The following COL4A3 variants were observed in gnomAD, a reference collection of about 807,000 sequenced individuals.
COL4A3 encodes collagen type IV alpha 3 chain, also known as collagen alpha-3(IV) chain.
In COL4A3, 135 loss-of-function variants were observed where a neutral mutation model predicts 217.4. The ratio of observed to expected loss-of-function variants is 0.62; its 90% confidence interval spans 0.54 to 0.72. The LOEUF is 0.72. Ranked by LOEUF, COL4A3 falls within the 30% of genes least tolerant of loss-of-function variation. COL4A3 has a pLI of 0.00. For missense variants in COL4A3, 1,868 were observed against 2,119.9 expected (o/e 0.88, Z 2.33); for synonymous variants, 690 against 736.3 (o/e 0.94, Z 1.02).
intron 14 of COL4A3, 91 bp downstream of exon 14, chr2:227,254,265 T>C (rs909454864): frequency 1.6e-6 from 2 of 1,221,110 alleles, no homozygotes; most frequent in Non-Finnish European, 2.4e-6. Context: ...AGTTGTTTTT[T>C]TTTTTAAAGA....
chr2:227,264,859 T>G (rs2070795058), intron 21 of COL4A3: 1 of 152,272 alleles, frequency 6.6e-6, no homozygotes. Flanking sequence ...TCATGCTCCC[T>G]CTGTGCCTGC....
At chr2:227,214,231 T>C (rs915990399) in intron 1 of COL4A3, among the ~76,000 whole-genome samples, 2 of 152,202 alleles carry the variant, frequency 1.3e-5, no homozygotes, top group African/African-American at 4.8e-5. Context: ...AGTCTAAATA[T>C]GCATTCTGAG....
At chr2:227,224,421 A>G (rs913595286) in intron 1 of COL4A3, among the ~76,000 whole-genome samples, 1 of 152,188 alleles carries the variant, frequency 6.6e-6, no homozygotes, top group Non-Finnish European at 1.5e-5. Flanking sequence ...GTAGTTTTCC[A>G]AACTGAAAAA....
intron 47 of COL4A3, chr2:227,305,786 A>G (rs2073476823): frequency 6.6e-6 from 1 of 152,168 alleles, no homozygotes; most frequent in Non-Finnish European, 1.5e-5. Context: ...TGATACCTGG[A>G]TCAACATCTA....
At chr2:227,236,909 C>T (rs1559853693) in intron 1 of COL4A3, among the ~76,000 whole-genome samples, 1 of 152,168 alleles carries the variant, frequency 6.6e-6, no homozygotes. Flanking sequence ...GACCTGCCTG[C>T]CTCGGCCTCC....
At chr2:227,304,438 G>C in intron 46 of COL4A3, 1 of 360,048 alleles carries the variant, frequency 2.8e-6, no homozygotes, top group Non-Finnish European at 5.2e-6. Flanking sequence ...TCTGACAACT[G>C]TCAGTCTCGG....
chr2:227,193,484 T>A (rs11676721), intron 1 of COL4A3, among the ~76,000 whole-genome samples: 3 of 152,032 alleles, frequency 2.0e-5, no homozygotes, highest in Non-Finnish European at 4.4e-5. Flanking sequence ...GAGGCCGAGG[T>A]GGGCGGATCA....
At chr2:227,193,557 C>CA (rs1267423129) in intron 1 of COL4A3, among the ~76,000 whole-genome samples, 1 of 151,932 alleles carries the variant, frequency 6.6e-6, no homozygotes, top group Non-Finnish European at 1.5e-5. Flanking sequence ...ACTAAAAATA[C>CA]AAAAATTAGC....
At chr2:227,285,277 TAA>T (rs764697409) in intron 34 of COL4A3, among the ~76,000 whole-genome samples, 13 of 72,374 alleles carry the variant, frequency 1.8e-4, no homozygotes, top group African/African-American at 6.8e-4. Context: ...CTGCCAAACC[TAA>T]AAAAAAAAAA....
chr2:227,268,130 T>G (rs2071026462), intron 23 of COL4A3, among the ~76,000 whole-genome samples: 1 of 152,318 alleles, frequency 6.6e-6, no homozygotes, highest in South Asian at 2.1e-4. Context: ...GTCATCAAAT[T>G]ATGTATCATT....
At chr2:227,277,965 TATA>T (rs2071694172) in intron 28 of COL4A3, among the ~76,000 whole-genome samples, 1 of 152,136 alleles carries the variant, frequency 6.6e-6, no homozygotes, top group Admixed American at 6.5e-5. Context: ...AAAAAAATCT[TATA>T]ATAATGTTAG....
At chr2:227,227,280 T>C (rs1211875100) in intron 1 of COL4A3, among the ~76,000 whole-genome samples, 1 of 152,184 alleles carries the variant, frequency 6.6e-6, no homozygotes. Context: ...CCCCAGTGCC[T>C]TGTGGCCAGC....
At chr2:227,265,968 C>T (rs2070863700) in intron 21 of COL4A3, 1 of 163,138 alleles carries the variant, frequency 6.1e-6, no homozygotes, top group Non-Finnish European at 1.3e-5. Flanking sequence ...CATTATAAAA[C>T]CATCAGATCT....
chr2:227,283,633 T>C (rs1559898362), intron 32 of COL4A3, 134 bp from the exon 33 acceptor site: 1 of 735,820 alleles, frequency 1.4e-6, no homozygotes, highest in Non-Finnish European at 2.4e-6. Context: ...AATACAGTAA[T>C]TGTACTATGT....
At chr2:227,199,033 G>C (rs952888438) in intron 1 of COL4A3, among the ~76,000 whole-genome samples, 1 of 152,128 alleles carries the variant, frequency 6.6e-6, no homozygotes, top group Non-Finnish European at 1.5e-5. Context: ...AGGGACGTGG[G>C]ACTTATTTTC....
At chr2:227,169,289 G>T (rs1361451734) in intron 1 of COL4A3, 1 of 151,162 alleles carries the variant, frequency 6.6e-6, no homozygotes, top group South Asian at 2.1e-4. Flanking sequence ...CCAGTCTATC[G>T]TTGTTGGATA....
At chr2:227,274,410 C>T (rs998167661) in intron 26 of COL4A3, among the ~76,000 whole-genome samples, 18 of 151,734 alleles carry the variant, frequency 1.2e-4, no homozygotes, top group African/African-American at 7.3e-5. Flanking sequence ...TCTGTCCACA[C>T]ATGTATGTAA....
chr2:227,183,322 T>C (rs1255562296), intron 1 of COL4A3, among the ~76,000 whole-genome samples: 1 of 145,030 alleles, frequency 6.9e-6, no homozygotes, highest in Non-Finnish European at 1.6e-5. Context: ...GAACAAGCTA[T>C]GAGTTAGAAT....
At chr2:227,256,614 T>C in intron 17 of COL4A3, 1 of 721,430 alleles carries the variant, frequency 1.4e-6, no homozygotes, top group Non-Finnish European at 2.5e-6. Context: ...ACTGTGTACT[T>C]GAAGCTGTCT....
Sources: gnomAD v4.1 joint callset for allele counts (sites outside exome capture counted in the v4.1 genomes callset) on GRCh38, gnomAD v4.1.1 for gene constraint, MANE v1.5 for transcripts, NCBI Gene and HGNC (gene_info 2026-07-23, HGNC 2026-07-21) for gene names.